BLTP3B: variants seen among roughly 807,000 people sequenced by gnomAD.
BLTP3B encodes UHRF1 (ICBP90) binding protein 1-like.
the BLTP3B span, among the ~76,000 whole-genome samples, chr12:100,090,314 A>G: frequency 6.6e-6 from 1 of 152,196 alleles, no homozygotes; most frequent in African/African-American, 2.4e-5. Context: ...TTCTCCCTGA[A>G]GAGAAATAGT....
At chr12:100,142,615 T>G in the BLTP3B span, 1 of 1,608,812 alleles carries the variant, frequency 6.2e-7, no homozygotes, top group South Asian at 1.1e-5. Flanking sequence ...TCAAGATTTG[T>G]TTCTTGATGA....
the BLTP3B span, among the ~76,000 whole-genome samples, chr12:100,104,831 C>T: frequency 5.2e-5 from 7 of 135,168 alleles, no homozygotes; most frequent in South Asian, 2.3e-4. Flanking sequence ...ACAAAAACCA[C>T]GCTGATAATC....
chr12:100,116,427 C>G, the BLTP3B span, among the ~76,000 whole-genome samples: 1 of 101,054 alleles, frequency 9.9e-6, no homozygotes, highest in Admixed American at 1.4e-4. Flanking sequence ...CCAGCCTGGG[C>G]AACAGAGCAA....
the BLTP3B span, among the ~76,000 whole-genome samples, chr12:100,104,799 TTAG>T: frequency 7.1e-6 from 1 of 140,772 alleles, no homozygotes; most frequent in Non-Finnish European, 1.5e-5. Flanking sequence ...CGTACACAAA[TTAG>T]TAGCACTGCT....
the BLTP3B span, among the ~76,000 whole-genome samples, chr12:100,142,417 G>A: frequency 6.6e-6 from 1 of 152,162 alleles, no homozygotes; most frequent in Non-Finnish European, 1.5e-5. Context: ...CCAGCCCCCG[G>A]CGCCGCCGGC....
At chr12:100,106,445 T>C in the BLTP3B span, among the ~76,000 whole-genome samples, 1 of 152,154 alleles carries the variant, frequency 6.6e-6, no homozygotes, top group Non-Finnish European at 1.5e-5. Flanking sequence ...AGCAAAATAA[T>C]GTCTTTTGCA....
At chr12:100,083,870 C>T in the BLTP3B span, among the ~76,000 whole-genome samples, 1 of 152,190 alleles carries the variant, frequency 6.6e-6, no homozygotes, top group East Asian at 1.9e-4. Context: ...GCAAAGGATA[C>T]AGGGGTTTTA....
At chr12:100,108,546 A>C in the BLTP3B span, 1 of 1,603,286 alleles carries the variant, frequency 6.2e-7, no homozygotes, top group Non-Finnish European at 8.5e-7. Flanking sequence ...ATTTTTGGTA[A>C]ATCTGAAAGA....
the BLTP3B span, among the ~76,000 whole-genome samples, chr12:100,132,181 A>G: frequency 6.6e-6 from 1 of 152,248 alleles, no homozygotes; most frequent in Non-Finnish European, 1.5e-5. Context: ...ACTTATTTAA[A>G]AAGTGTTTAA....
At chr12:100,101,310 T>C in the BLTP3B span, among the ~76,000 whole-genome samples, 366 of 152,316 alleles carry the variant, frequency 2.4e-3, 2 homozygotes, top group African/African-American at 8.3e-3. Flanking sequence ...TGGCATGCAC[T>C]GTAGGTATTC....
the BLTP3B span, chr12:100,086,156 C>A: frequency 3.6e-6 from 2 of 563,226 alleles, no homozygotes; most frequent in Non-Finnish European, 5.5e-6. Flanking sequence ...GAGAAAAATA[C>A]CAATCTCTTC....
chr12:100,072,794 C>T, the BLTP3B span: 1 of 1,598,446 alleles, frequency 6.3e-7, no homozygotes, highest in East Asian at 2.2e-5. Flanking sequence ...GGAAGAACGA[C>T]ATTGTTCCGC....
At chr12:100,084,077 TACTC>T in the BLTP3B span, among the ~76,000 whole-genome samples, 1 of 151,722 alleles carries the variant, frequency 6.6e-6, no homozygotes. Context: ...TAATCCCAGA[TACTC>T]AGGAGGCTGA....
At chr12:100,101,419 A>G in the BLTP3B span, among the ~76,000 whole-genome samples, 2 of 152,238 alleles carry the variant, frequency 1.3e-5, no homozygotes, top group Non-Finnish European at 2.9e-5. Context: ...ATCCTCAAGA[A>G]AAGTTTTATC....
At chr12:100,063,705 C>CAA in the BLTP3B span, among the ~76,000 whole-genome samples, 6 of 89,020 alleles carry the variant, frequency 6.7e-5, no homozygotes, top group Admixed American at 1.3e-4. Flanking sequence ...AACTCCGTCT[C>CAA]AAAAAAAAAA....
chr12:100,133,816 C>A, the BLTP3B span, among the ~76,000 whole-genome samples: 1 of 152,168 alleles, frequency 6.6e-6, no homozygotes, highest in Non-Finnish European at 1.5e-5. Flanking sequence ...TCCTCCCTTA[C>A]CCAAGATTTC....
the BLTP3B span, chr12:100,084,420 A>AGAGAG: frequency 2.2e-6 from 3 of 1,349,612 alleles, no homozygotes; most frequent in East Asian, 2.3e-5. Context: ...ACACACACAC[A>AGAGAG]CACACAGAGT....
the BLTP3B span, chr12:100,050,063 C>T: frequency 2.6e-6 from 3 of 1,157,220 alleles, no homozygotes; most frequent in South Asian, 2.4e-5. Flanking sequence ...TGTAATTTTC[C>T]TTGAATTCAA....
chr12:100,114,100 A>G, the BLTP3B span, among the ~76,000 whole-genome samples: 14,394 of 152,210 alleles, frequency 0.095, 755 homozygotes, highest in African/African-American at 0.13. Context: ...AATGGTTATA[A>G]TTCAATTATT....
Sources: gnomAD v4.1 joint callset for allele counts (sites outside exome capture counted in the v4.1 genomes callset) on GRCh38, gnomAD v4.1.1 for gene constraint, MANE v1.5 for transcripts, NCBI Gene and HGNC (gene_info 2026-07-23, HGNC 2026-07-21) for gene names.